ZNF470: variants seen among roughly 807,000 people sequenced by gnomAD.
The protein encoded by ZNF470 is chondrogenesis zinc finger protein 1.
Under a neutral mutation model 13.9 loss-of-function variants are expected in ZNF470, and 13 were observed. The ratio of observed to expected loss-of-function variants is 0.94; its 90% CI spans 0.61 to 1.49. ZNF470 has a LOEUF of 1.49. Ranked by LOEUF, ZNF470 falls within the 40% of genes most tolerant of loss-of-function variation. The probability of loss-of-function intolerance (pLI) is 0.00; values close to 1 mark genes in which losing one functional copy is unlikely to be tolerated. For missense variants in ZNF470, 929 were observed against 857.3 expected (o/e 1.08, Z -1.04); for synonymous variants, 293 against 282.9 (o/e 1.04, Z -0.36).
Position 56,579,607 on chromosome 19 carries a change from TTC to T in ZNF470, c.*1026_*1027del. The T allele has an allele frequency of 1.0e-6, 1 of 985,450 alleles. No individual in the cohort carries two copies. The highest frequency in any genetic ancestry group is 4.7e-5 in the South Asian group (1 of 21,288). 61.0% of individuals were successfully genotyped at this position (985,450 alleles called of 1,614,324 possible). The stretch of plus-strand genomic sequence containing the variant: ...GACAATTCGTGTGGTATTTAAATTG[TTC>T]TAGCATAAAATAAAATGCAATAAGA... On this transcript the variant is annotated 3_prime_UTR_variant, in exon 6 of 6. Coordinates refer to ENST00000330619, the MANE Select transcript of ZNF470 (RefSeq NM_001001668.4).
At chr19:56,574,902 CT>C (rs2044478849) in intron 5 of ZNF470, among the ~76,000 whole-genome samples, 169 bp downstream of exon 5, 2 of 152,150 alleles carry the variant, frequency 1.3e-5, no homozygotes, top group African/African-American at 4.8e-5. Flanking sequence ...CCTCCTTTAC[CT>C]TTATTGATTT....
At position 56,582,041 on chromosome 19, in the gene ZNF470, G is replaced by A. The variant is rs1192445017; in HGVS notation, c.*3458G>A. The A allele has an allele frequency of 2.0e-6, 2 of 985,250 alleles. No homozygotes were observed. The highest frequency in any genetic ancestry group is 2.4e-6 in the Non-Finnish European group (2 of 829,932). 61.0% of individuals were successfully genotyped at this position (985,250 alleles called of 1,614,324 possible). ...TAAAGAAACAATCATACAGAATTTG[G>A]TACGAAGATTGGGTAATGGGCATTA... On this transcript the variant is annotated 3_prime_UTR_variant, in exon 6 of 6. Transcript: ENST00000330619.
At chr19:56,569,180 A>G (rs2044432933) in intron 2 of ZNF470, among the ~76,000 whole-genome samples, 1 of 152,218 alleles carries the variant, frequency 6.6e-6, no homozygotes, top group African/African-American at 2.4e-5. Context: ...AATTTAGATG[A>G]AAGAAACTAG....
In ZNF470 at chr19:56,578,106, T is replaced by C; in HGVS notation, c.1677T>C (p.His559=). 3 of 1,614,034 alleles carry C rather than the reference T, an allele frequency of 1.9e-6. No homozygotes were observed. Among genetic ancestry groups the C allele is most frequent in the Non-Finnish European group, 2.5e-6 (3 of 1,179,954 alleles). The part of the protein sequence containing the change: ...IAHLVQHQRV[H]TGEKPYECIE... The stretch of plus-strand genomic sequence containing the variant: ...ACCTTGTTCAGCACCAGAGAGTTCA[T>C]ACTGGTGAGAAGCCTTACGAATGTA... Residue 559 remains histidine (H), a synonymous_variant, in exon 6 of 6, where the codon CAT becomes CAC. Coordinates refer to ENST00000330619, the MANE Select transcript of ZNF470 (RefSeq NM_001001668.4).
rs1568496336 is a variant in ZNF470 at position 56,578,196 on chromosome 19, C to T, written c.1767C>T (p.Gly589=). ...TTCAACATCAGAGACTCCACAGTGG[C>T]AAAAGACCGTATGAATGTCTTGAAT... The part of the protein sequence containing the change: ...YLVQHQRLHS[G]KRPYECLECG... Residue 589 remains glycine, a synonymous_variant, in exon 6 of 6, where the codon GGC becomes GGT. Coordinates refer to ENST00000330619, the MANE Select transcript of ZNF470 (RefSeq NM_001001668.4). 1 of 1,613,572 alleles carries T rather than the reference C, an allele frequency of 6.2e-7. No individual in the cohort carries two copies. The highest frequency in any genetic ancestry group is 8.5e-7 in the Non-Finnish European group (1 of 1,179,860).
Position 56,581,007 on chromosome 19 carries a change from GA to G in ZNF470, c.*2427del. 1 of 985,196 alleles carries G rather than the reference GA, an allele frequency of 1.0e-6. No individual in the cohort carries two copies. Among genetic ancestry groups the G allele is most frequent in the Non-Finnish European group, 1.2e-6 (1 of 829,766 alleles). The allele number at this position is 985,196 out of a possible 1,614,324, so 61.0% of individuals were successfully genotyped here. A position where few individuals can be genotyped will look rare whatever the true frequency, so the allele number is the denominator to read the frequency against. On this transcript the variant is annotated 3_prime_UTR_variant, in exon 6 of 6. Coordinates refer to ENST00000330619, the MANE Select transcript of ZNF470 (RefSeq NM_001001668.4). Reference sequence around the variant, plus strand: ...AATAATATATATGTACCCTCGGTTTGAAATAGACTTTAAGCACTAATGCATA... The same window carrying G: ...AATAATATATATGTACCCTCGGTTTGAATAGACTTTAAGCACTAATGCATA...
Position 56,582,645 on chromosome 19 carries a change from T to A in ZNF470, c.*4062T>A. On this transcript the variant is annotated 3_prime_UTR_variant, in exon 6 of 6. Transcript: ENST00000330619. ...TTTGGACATAAGGCCTTTAAGAAAC[T>A]AAGGTTAAGTTAGGCCATAAGAGTG... is the stretch of plus-strand genomic sequence containing the variant. 2 of 901,268 alleles carry A rather than the reference T, an allele frequency of 2.2e-6. No homozygotes were observed. The highest frequency in any genetic ancestry group is 2.7e-6 in the Non-Finnish European group (2 of 753,322). 55.8% of individuals were successfully genotyped at this position (901,268 alleles called of 1,614,324 possible).
At position 56,568,037 on chromosome 19, in the gene ZNF470, A is replaced by G; in HGVS notation, c.-160A>G. The G allele has an allele frequency of 1.0e-6, 1 of 985,720 alleles. No individual in the cohort carries two copies. The allele number at this position is 985,720 out of a possible 1,614,324, so 61.1% of individuals were successfully genotyped here. ...CGAAGACCATGGGGACTGAGTACACAGGTAAGAGTGACAGATGACGGATGT... is the reference window on the plus strand; with the variant it reads ...CGAAGACCATGGGGACTGAGTACACGGGTAAGAGTGACAGATGACGGATGT... On this transcript the variant is annotated splice_region_variant and 5_prime_UTR_variant, in exon 1 of 6. Coordinates refer to ENST00000330619, the MANE Select transcript of ZNF470 (RefSeq NM_001001668.4).
In ZNF470 at chr19:56,580,988, A is replaced by G. The variant is rs2147990643; in HGVS notation, c.*2405A>G. 1.4e-5 allele frequency: 14 copies of G among 984,840 alleles called. No homozygotes were observed. The highest frequency in any genetic ancestry group is 6.1e-5 in the Admixed American group (1 of 16,282). The allele number at this position is 984,840 out of a possible 1,614,324, so 61.0% of individuals were successfully genotyped here. ...TAAAGTACATGAAAAACAGAATAATATATATGTACCCTCGGTTTGAAATAG... is the reference window on the plus strand; with the variant it reads ...TAAAGTACATGAAAAACAGAATAATGTATATGTACCCTCGGTTTGAAATAG... On this transcript the variant is annotated 3_prime_UTR_variant, in exon 6 of 6. Transcript: ENST00000330619.
chr19:56,568,099 C>T, intron 1 of ZNF470, 61 bp downstream of exon 1: 1 of 985,930 alleles, frequency 1.0e-6, no homozygotes, highest in Non-Finnish European at 1.2e-6. Context: ...TGGGTGCTGT[C>T]TTTCGGGGTT....
chr19:56,578,388 A>G lies in ZNF470; in HGVS notation c.1959A>G (p.Glu653=). Residue 653 remains glutamate, a synonymous_variant, in exon 6 of 6, where the codon GAA becomes GAG. Coordinates refer to ENST00000330619, the MANE Select transcript of ZNF470 (RefSeq NM_001001668.4). Reference sequence around the variant, plus strand: ...GAGAGAAACCTTATGAGTGTAAGGAATGTAGCAAAGCCTTCAGCCAGGTTG... The same window carrying G: ...GAGAGAAACCTTATGAGTGTAAGGAGTGTAGCAAAGCCTTCAGCCAGGTTG... ...HTGEKPYECK[E]CSKAFSQVAH... The G allele has an allele frequency of 6.2e-7, 1 of 1,610,422 alleles. No individual in the cohort carries two copies. Among genetic ancestry groups the G allele is most frequent in the Non-Finnish European group, 8.5e-7 (1 of 1,178,026 alleles).
rs2044502936 is a variant in ZNF470, at chr19:56,577,833, T to A, written c.1404T>A (p.Leu468=). The A allele has an allele frequency of 5.0e-6, 8 of 1,613,836 alleles. No homozygotes were observed. Among genetic ancestry groups the A allele is most frequent in the Non-Finnish European group, 6.8e-6 (8 of 1,179,952 alleles). The part of the protein sequence containing the change: ...CEKAFSHRGS[L]TLHQRVHTGE... ...AAGCCTTCAGCCATCGTGGGTCTCT[T>A]ACTCTTCATCAGAGAGTTCATACTG... Residue 468 remains leucine, a synonymous_variant, in exon 6 of 6, where the codon CTT becomes CTA. Transcript: ENST00000330619.
Position 56,581,660 on chromosome 19 carries a change from G to A in ZNF470, c.*3077G>A. ...TGTATTGTAGTATAGGCCCATAATT[G>A]TGATATCAAAAATAAAAATCAAAAT... On this transcript the variant is annotated 3_prime_UTR_variant, in exon 6 of 6. Coordinates refer to ENST00000330619, the MANE Select transcript of ZNF470 (RefSeq NM_001001668.4). The A allele has an allele frequency of 1.0e-6, 1 of 964,460 alleles. No homozygotes were observed. The highest frequency in any genetic ancestry group is 4.8e-5 in the South Asian group (1 of 20,846). The allele number at this position is 964,460 out of a possible 1,614,324, so 59.7% of individuals were successfully genotyped here. A position where few individuals can be genotyped will look rare whatever the true frequency, so the allele number is the denominator to read the frequency against.
In ZNF470 at chr19:56,579,078, A is replaced by G; in HGVS notation, c.*495A>G. On this transcript the variant is annotated 3_prime_UTR_variant, in exon 6 of 6. Coordinates refer to ENST00000330619, the MANE Select transcript of ZNF470 (RefSeq NM_001001668.4). Reference sequence around the variant, plus strand: ...CACTCCCTCTGTGACATTGTTGATGAGCAACTCTCACTTTACCTGACACTG... The same window carrying G: ...CACTCCCTCTGTGACATTGTTGATGGGCAACTCTCACTTTACCTGACACTG... The G allele has an allele frequency of 3.0e-6, 3 of 985,704 alleles. No individual in the cohort carries two copies. Among genetic ancestry groups the G allele is most frequent in the Non-Finnish European group, 3.6e-6 (3 of 830,128 alleles). 61.1% of individuals were successfully genotyped at this position (985,704 alleles called of 1,614,324 possible).
Position 56,567,659 on chromosome 19 carries a change from G to A in ZNF470, c.-538G>A. ...CTGTGAGTGCCCATACGTGGTGAGC[G>A]TGCGGTGCTGTGCTGAGGAGGGGCG... On this transcript the variant is annotated 5_prime_UTR_variant, in exon 1 of 6. The change creates a new upstream start codon in the 5' untranslated region. Transcript: ENST00000330619. 1 of 987,320 alleles carries A rather than the reference G, an allele frequency of 1.0e-6. No homozygotes were observed. Among genetic ancestry groups the A allele is most frequent in the Non-Finnish European group, 1.2e-6 (1 of 831,308 alleles). The allele number at this position is 987,320 out of a possible 1,614,324, so 61.2% of individuals were successfully genotyped here.
chr19:56,577,937 A>G lies in ZNF470; in HGVS notation c.1508A>G (p.His503Arg). The G allele has an allele frequency of 6.2e-7, 1 of 1,614,162 alleles. No homozygotes were observed. The highest frequency in any genetic ancestry group is 8.5e-7 in the Non-Finnish European group (1 of 1,180,026). Residue 503 changes from histidine to arginine, a missense_variant, in exon 6 of 6, where the codon CAT becomes CGT. Transcript: ENST00000330619. The stretch of plus-strand genomic sequence containing the variant: ...CATCTGGCTCATCATCAGAGAATTC[A>G]TACTGGAGAGAAACCTTATGAATGT... ...STHLAHHQRI[H>R]TGEKPYECKE...
At chr19:56,573,318 C>T (rs948064291) in intron 3 of ZNF470, among the ~76,000 whole-genome samples, 1 of 152,156 alleles carries the variant, frequency 6.6e-6, no homozygotes, top group African/African-American at 2.4e-5. Flanking sequence ...ACGGTGCTGC[C>T]ATGAAGCAAG....
At position 56,578,416 on chromosome 19, in the gene ZNF470, C is replaced by T. The variant is rs368196999; in HGVS notation, c.1987C>T (p.His663Tyr). 5 of 1,610,338 alleles carry T rather than the reference C, an allele frequency of 3.1e-6. No homozygotes were observed. The highest frequency in any genetic ancestry group is 4.2e-6 in the Non-Finnish European group (5 of 1,178,188). Residue 663 changes from histidine (H) to tyrosine (Y), a missense_variant, in exon 6 of 6, where the codon CAT (histidine) becomes TAT (tyrosine). Transcript: ENST00000330619. ...TAGCAAAGCCTTCAGCCAGGTTGCC[C>T]ATCTTACTCTACATAAGAGAATTCA... ...ECSKAFSQVA[H>Y]LTLHKRIHTG...
chr19:56,568,950 T>C (rs1003242031), intron 2 of ZNF470, 67 bp downstream of exon 2: 1 of 152,152 alleles, frequency 6.6e-6, no homozygotes, highest in Non-Finnish European at 1.5e-5. Flanking sequence ...AACTAAATAG[T>C]TCATATGCCA....
Sources: gnomAD v4.1 joint callset for allele counts (sites outside exome capture counted in the v4.1 genomes callset) on GRCh38, gnomAD v4.1.1 for gene constraint, MANE v1.5 for transcripts, NCBI Gene and HGNC (gene_info 2026-07-23, HGNC 2026-07-21) for gene names.